Variants in COL28A1 observed in about 807,000 individuals in gnomAD.
COL28A1 encodes collagen alpha-1(XXVIII) chain.
COL28A1 carries 161 observed loss-of-function variants against 150.2 expected under a neutral mutation model. The ratio of observed to expected loss-of-function variants is 1.07; its 90% CI spans 0.94 to 1.22. The LOEUF is 1.22. COL28A1 is among the 50% of genes most tolerant of loss of function. The probability of loss-of-function intolerance (pLI) is 0.00; values close to 1 mark genes in which losing one functional copy is unlikely to be tolerated. For missense variants in COL28A1, 1,617 were observed against 1,388.3 expected (o/e 1.16, Z -2.62); for synonymous variants, 552 against 469.7 (o/e 1.18, Z -2.26).
At chr7:7,341,133 C>T in the COL28A1 span, among the ~76,000 whole-genome samples, 4 of 152,164 alleles carry the variant, frequency 2.6e-5, no homozygotes, top group Admixed American at 2.6e-4. Context: ...AAACAAGCTT[C>T]AGACCATTTC....
chr7:7,396,900 C>T (rs1012917137), intron 27 of COL28A1, among the ~76,000 whole-genome samples: 7 of 152,164 alleles, frequency 4.6e-5, no homozygotes, highest in Non-Finnish European at 8.8e-5. Flanking sequence ...GTACCTCTTC[C>T]CCTGTCTCCA....
Position 7,444,463 on chromosome 7 carries a change from T to C in COL28A1, c.1536A>G (p.Pro512=), listed in dbSNP as rs1229056756. 1 of 1,613,956 alleles carries C rather than the reference T, an allele frequency of 6.2e-7. No homozygotes were observed. The highest frequency in any genetic ancestry group is 8.5e-7 in the Non-Finnish European group (1 of 1,180,006). ...CTTCTCCTGGTACTCCTGGTTGTCCTGGGAGCCCTATTGAGCCTGGCTCTC... is the reference window on the plus strand; with the variant it reads ...CTTCTCCTGGTACTCCTGGTTGTCCCGGGAGCCCTATTGAGCCTGGCTCTC... ...PKGEPGSIGL[P]GQPGVPGEDG... is the part of the protein sequence containing the mutation. Residue 512 remains proline (P), a synonymous_variant, in exon 19 of 35, where the codon CCA becomes CCG. Transcript: ENST00000399429.
chr7:7,463,835 T>C (rs918319159), intron 15 of COL28A1, among the ~76,000 whole-genome samples: 2 of 152,190 alleles, frequency 1.3e-5, no homozygotes, highest in Non-Finnish European at 2.9e-5. Flanking sequence ...TGAATGTAAA[T>C]GGCCTAAATG....
intron 30 of COL28A1, among the ~76,000 whole-genome samples, chr7:7,380,307 C>A (rs1781800314): frequency 6.6e-6 from 1 of 152,160 alleles, no homozygotes; most frequent in Non-Finnish European, 1.5e-5. Flanking sequence ...AAAGAGTCCT[C>A]ATTCTAAAAT....
At chr7:7,339,468 G>A in the COL28A1 span, among the ~76,000 whole-genome samples, 176 of 152,112 alleles carry the variant, frequency 1.2e-3, no homozygotes, top group African/African-American at 4.1e-3. Context: ...TTTGGCTTTC[G>A]TGCTGAGGCA....
chr7:7,433,857 C>G (rs541502623), intron 23 of COL28A1, among the ~76,000 whole-genome samples: 4 of 152,082 alleles, frequency 2.6e-5, no homozygotes, highest in African/African-American at 9.7e-5. Flanking sequence ...GAAACTCTAA[C>G]AACAGGCAGA....
chr7:7,481,678 T>C (rs905979365), intron 13 of COL28A1, among the ~76,000 whole-genome samples: 4 of 152,330 alleles, frequency 2.6e-5, no homozygotes, highest in Admixed American at 1.3e-4. Context: ...AACGATGAGA[T>C]GAAATACGAT....
At chr7:7,344,427 G>A in the COL28A1 span, among the ~76,000 whole-genome samples, 1 of 151,910 alleles carries the variant, frequency 6.6e-6, no homozygotes, top group Non-Finnish European at 1.5e-5. Context: ...AGTTGGTCTA[G>A]TGATTATAAT....
rs1021276268 is a variant in COL28A1, at chr7:7,375,362, C to T, written c.2359+99G>A. 17 of 1,106,022 alleles carry T rather than the reference C, an allele frequency of 1.5e-5. No individual in the cohort carries two copies. The African/African-American group carries it at 2.1e-4, about 13-fold the overall frequency. 68.5% of individuals were successfully genotyped at this position (1,106,022 alleles called of 1,614,324 possible). A position where few individuals can be genotyped will look rare whatever the true frequency, so the allele number is the denominator to read the frequency against. ...AATGAGCTTCACATTTTCCCGCTAG[C>T]TATATAATATACATCTGGACGAACA... On this transcript the variant is annotated intron_variant, in intron 31 of 34. Transcript: ENST00000399429.
intron 25 of COL28A1, among the ~76,000 whole-genome samples, chr7:7,425,610 C>A (rs1427252359): frequency 1.3e-5 from 2 of 152,216 alleles, no homozygotes; most frequent in Non-Finnish European, 2.9e-5. Flanking sequence ...CTTAATCTCT[C>A]TTCTTATCCA....
Position 7,373,292 on chromosome 7 carries a change from C to T in COL28A1, c.2614G>A (p.Gly872Arg). 1 of 1,614,174 alleles carries T rather than the reference C, an allele frequency of 6.2e-7. No individual in the cohort carries two copies. Among genetic ancestry groups the T allele is most frequent in the Non-Finnish European group, 8.5e-7 (1 of 1,180,030 alleles). The stretch of plus-strand genomic sequence containing the variant: ...GCAGTGGCTGTGTATGTGCCTTCCC[C>T]CAGATACTGCATGTTGTCCACAGCC... The part of the protein sequence containing the change: ...KLAVDNMQYL[G>R]EGTYTATALQ... Residue 872 changes from glycine to arginine, a missense_variant, in exon 32 of 35, where the codon GGG becomes AGG. By Grantham distance (125) the Gly-to-Arg change is moderately radical. Coordinates refer to ENST00000399429, the MANE Select transcript of COL28A1 (RefSeq NM_001037763.3). The surrounding 1 kb of genome is among the most constrained non-coding windows in gnomAD (Gnocchi z 4.1).
chr7:7,454,566 T>C (rs968809109), intron 16 of COL28A1, among the ~76,000 whole-genome samples: 26 of 152,090 alleles, frequency 1.7e-4, no homozygotes, highest in Non-Finnish European at 3.7e-4. Context: ...TTGTTTTTTT[T>C]CCCAAGCTGA....
intron 13 of COL28A1, among the ~76,000 whole-genome samples, chr7:7,488,417 T>G (rs1421556320): frequency 6.6e-6 from 1 of 152,238 alleles, no homozygotes; most frequent in African/African-American, 2.4e-5. Flanking sequence ...TGAGGAACTA[T>G]GCAGTGCAAA....
intron 27 of COL28A1, among the ~76,000 whole-genome samples, 153 bp from the exon 28 acceptor site, chr7:7,381,765 G>A (rs1781887552): frequency 6.6e-6 from 1 of 152,152 alleles, no homozygotes; most frequent in Admixed American, 6.5e-5. Flanking sequence ...AAATACATAT[G>A]TGTATGTGTG....
chr7:7,531,499 T>A lies in COL28A1; in HGVS notation c.530A>T (p.Asp177Val), dbSNP rs758662076. ...KNPDVQSISE[D>V]ARISGISFIT... is the part of the protein sequence containing the mutation. ...AAATGATATTCCTGAAATTCTGGCA[T>A]CTTCAGAAATACTTTGAACATCTGG... is the stretch of plus-strand genomic sequence containing the variant. The change falls in exon 3 of 35, where the codon GAT (aspartate) becomes GTT (valine). Residue 177 changes from aspartate (D) to valine (V), a missense_variant. Coordinates refer to ENST00000399429, the MANE Select transcript of COL28A1 (RefSeq NM_001037763.3). 1 of 1,610,938 alleles carries A rather than the reference T, an allele frequency of 6.2e-7. No homozygotes were observed. The highest frequency in any genetic ancestry group is 2.2e-5 in the East Asian group (1 of 44,868).
intron 11 of COL28A1, among the ~76,000 whole-genome samples, chr7:7,492,833 A>C (rs4320465): frequency 0.099 from 14,910 of 151,182 alleles, 876 homozygotes; most frequent in Middle Eastern, 0.21. Context: ...AGTCTGGCAA[A>C]TATTTTTTCC....
At position 7,373,556 on chromosome 7, in the gene COL28A1, G is replaced by T. The variant is rs766403624; in HGVS notation, c.2360-10C>A. On this transcript the variant is annotated splice_polypyrimidine_tract_variant and intron_variant, in intron 31 of 34. Coordinates refer to ENST00000399429, the MANE Select transcript of COL28A1 (RefSeq NM_001037763.3). This position sits in a 1 kb window ranked among gnomAD's most constrained non-coding sequence, Gnocchi z 4.1. ...CATTTGGGCCCACAACCTAAAAGAT[G>T]AATGTTGAGAGAGAAAAATTGTGGG... The T allele has an allele frequency of 1.9e-6, 3 of 1,598,814 alleles. No individual in the cohort carries two copies. The highest frequency in any genetic ancestry group is 2.7e-5 in the African/African-American group (2 of 74,474).
chr7:7,423,667 T>G (rs191679081), intron 25 of COL28A1, among the ~76,000 whole-genome samples: 137 of 152,280 alleles, frequency 9.0e-4, no homozygotes, highest in Non-Finnish European at 1.5e-3. Flanking sequence ...TGATTTTTTT[T>G]GTGTGAGAAT....
At chr7:7,343,753 A>T in the COL28A1 span, among the ~76,000 whole-genome samples, 1 of 152,082 alleles carries the variant, frequency 6.6e-6, no homozygotes, top group Non-Finnish European at 1.5e-5. Context: ...CATGCCTATA[A>T]TCCCAGCATT....
Sources: gnomAD v4.1 joint callset for allele counts (sites outside exome capture counted in the v4.1 genomes callset) on GRCh38, gnomAD v4.1.1 for gene constraint, Gnocchi (gnomAD v3.1) non-coding constraint, MANE v1.5 for transcripts, NCBI Gene and HGNC (gene_info 2026-07-23, HGNC 2026-07-21) for gene names.